The following ELMO1 variants were observed in gnomAD, a reference collection of about 807,000 sequenced individuals.
The protein encoded by ELMO1 is engulfment and cell motility 1.
ELMO1 carries 26 observed loss-of-function variants against 98.9 expected under a neutral mutation model. That is an observed-to-expected ratio of 0.26 (90% CI 0.19 to 0.36). ELMO1 has a LOEUF of 0.36. Among genes scored for constraint, ELMO1 ranks in the 10% least tolerant of loss-of-function variants. ELMO1 has a pLI of 1.00. For synonymous variants in ELMO1, 346 were observed against 346.0 expected, an observed-to-expected ratio of 1.00 and a Z score of 0.00; for missense variants, 627 against 935.2, an observed-to-expected ratio of 0.67 and a Z score of 4.30.
At chr7:37,120,615 C>A (rs373169844) in intron 14 of ELMO1, among the ~76,000 whole-genome samples, 3 of 152,322 alleles carry the variant, frequency 2.0e-5, no homozygotes. Flanking sequence ...AGTAGGTAAA[C>A]AAAGTGGCCG....
At chr7:37,033,206 G>T (rs1242115708) in intron 15 of ELMO1, 1 of 345,158 alleles carries the variant, frequency 2.9e-6, no homozygotes, top group Non-Finnish European at 5.8e-6. Context: ...TTCTGGGTGG[G>T]TTTATGGTAC....
At chr7:37,027,686 C>T (rs576180870) in intron 15 of ELMO1, among the ~76,000 whole-genome samples, 2 of 152,230 alleles carry the variant, frequency 1.3e-5, no homozygotes, top group Non-Finnish European at 2.9e-5. Flanking sequence ...TAGCTCTTTG[C>T]TACCCAAGCT....
intron 21 of ELMO1, 93 bp downstream of exon 21, chr7:36,861,566 G>A: frequency 1.4e-6 from 2 of 1,404,846 alleles, no homozygotes; most frequent in Non-Finnish European, 2.0e-6. Flanking sequence ...ATTTTTTCAG[G>A]CAGGTCTATT....
intron 5 of ELMO1, among the ~76,000 whole-genome samples, chr7:37,267,027 ATATGTAT>A (rs370039398): frequency 3.2e-5 from 3 of 92,710 alleles, no homozygotes; most frequent in Non-Finnish European, 6.2e-5. Context: ...AAAAAAAAAA[ATATGTAT>A]ATATACACAC....
intron 15 of ELMO1, among the ~76,000 whole-genome samples, chr7:37,072,352 G>T (rs747072910): frequency 3.9e-5 from 6 of 152,012 alleles, no homozygotes; most frequent in Admixed American, 1.3e-4. Flanking sequence ...TCATAAGATC[G>T]GCTGGTTTTA....
At chr7:37,123,649 C>T (rs1200003291) in intron 14 of ELMO1, among the ~76,000 whole-genome samples, 1 of 152,124 alleles carries the variant, frequency 6.6e-6, no homozygotes, top group East Asian at 1.9e-4. Context: ...TAATTAATAG[C>T]TTACCAACCA....
chr7:37,338,330 GC>G (rs1188661206), intron 2 of ELMO1, among the ~76,000 whole-genome samples: 1 of 152,080 alleles, frequency 6.6e-6, no homozygotes, highest in Non-Finnish European at 1.5e-5. Flanking sequence ...TTGAAACCTG[GC>G]CCCCATGGTG....
intron 15 of ELMO1, among the ~76,000 whole-genome samples, chr7:37,073,438 A>C (rs917854613): frequency 6.6e-6 from 1 of 152,184 alleles, no homozygotes; most frequent in African/African-American, 2.4e-5. Context: ...ACACATCACT[A>C]TGCCTACACT....
chr7:37,448,945 G>A (rs2131609973), upstream of ELMO1: 1 of 152,432 alleles, frequency 6.6e-6, no homozygotes, highest in South Asian at 2.1e-4. Context: ...GACACATTTT[G>A]CATCTGCAAG....
intron 1 of ELMO1, among the ~76,000 whole-genome samples, chr7:37,413,308 G>C (rs1043619711): frequency 3.9e-5 from 6 of 151,982 alleles, no homozygotes; most frequent in African/African-American, 1.5e-4. Context: ...TCCAAGCCTA[G>C]CTTTCCTCTT....
chr7:37,438,097 G>C (rs550335645), intron 1 of ELMO1, among the ~76,000 whole-genome samples: 1 of 152,030 alleles, frequency 6.6e-6, no homozygotes, highest in South Asian at 2.1e-4. Context: ...CTTTCTATCT[G>C]GGTTTGACCA....
chr7:37,013,881 T>C (rs1793734525), intron 15 of ELMO1, among the ~76,000 whole-genome samples: 1 of 152,232 alleles, frequency 6.6e-6, no homozygotes. Context: ...TAATTGCAAC[T>C]TTGGAAACAG....
chr7:36,916,228 CCT>C (rs538801665), intron 16 of ELMO1, among the ~76,000 whole-genome samples: 86 of 152,292 alleles, frequency 5.6e-4, no homozygotes, highest in Non-Finnish European at 1.1e-3. Context: ...TGTTAACTTT[CCT>C]CTCTCGTCAT....
chr7:37,276,968 T>C (rs1375835403), intron 4 of ELMO1, among the ~76,000 whole-genome samples: 1 of 152,238 alleles, frequency 6.6e-6, no homozygotes, highest in African/African-American at 2.4e-5. Context: ...TTTTTGTTCA[T>C]TGGCTGTCTT....
At chr7:37,085,791 G>A (rs1039935675) in intron 15 of ELMO1, among the ~76,000 whole-genome samples, 1 of 152,182 alleles carries the variant, frequency 6.6e-6, no homozygotes, top group Non-Finnish European at 1.5e-5. Flanking sequence ...ACGTGATGAT[G>A]TCATCCTGCA....
chr7:37,411,043 G>C (rs188958724), intron 1 of ELMO1, among the ~76,000 whole-genome samples: 1 of 152,090 alleles, frequency 6.6e-6, no homozygotes, highest in Non-Finnish European at 1.5e-5. Context: ...AATAAAACCC[G>C]GAACAGCAAG....
chr7:37,324,709 G>A (rs1042403873), intron 2 of ELMO1, among the ~76,000 whole-genome samples: 5 of 152,166 alleles, frequency 3.3e-5, no homozygotes, highest in African/African-American at 1.2e-4. Flanking sequence ...AGCCTCCTGA[G>A]TAGCTGAGAC....
At chr7:37,327,908 A>C (rs565108315) in intron 2 of ELMO1, among the ~76,000 whole-genome samples, 1 of 152,280 alleles carries the variant, frequency 6.6e-6, no homozygotes, top group South Asian at 2.1e-4. Flanking sequence ...CCTACCTTCA[A>C]TATATCATCA....
chr7:37,057,561 C>T (rs1353055804), intron 15 of ELMO1, among the ~76,000 whole-genome samples: 1 of 152,234 alleles, frequency 6.6e-6, no homozygotes, highest in Admixed American at 6.5e-5. Context: ...TTCATTACTC[C>T]TTCATTCAGA....
Sources: allele counts gnomAD v4.1 joint callset (sites outside exome capture counted in the v4.1 genomes callset), GRCh38; gene constraint gnomAD v4.1.1; transcripts MANE v1.5; gene names NCBI Gene and HGNC (gene_info 2026-07-23, HGNC 2026-07-21).